The following CNTNAP5 variants were observed in gnomAD, a reference collection of about 807,000 sequenced individuals.
The protein encoded by CNTNAP5 is contactin-associated protein-like 5.
Under a neutral mutation model 150.2 loss-of-function variants are expected in CNTNAP5, and 72 were observed. The observed-to-expected ratio is 0.48, with a 90% CI of 0.40 to 0.58. The LOEUF (loss-of-function observed/expected upper bound fraction) is 0.58, where lower values mean the gene tolerates loss of function less well. Ranked by LOEUF, CNTNAP5 falls within the 20% of genes least tolerant of loss-of-function variation. CNTNAP5 has a pLI of 0.00. For synonymous variants in CNTNAP5, 672 were observed against 619.8 expected (o/e 1.08, Z -1.25); for missense variants, 1,636 against 1,626.2 (o/e 1.01, Z -0.10).
chr2:124,299,563 C>G (rs113739378), intron 3 of CNTNAP5, among the ~76,000 whole-genome samples: 1 of 151,972 alleles, frequency 6.6e-6, no homozygotes, highest in Non-Finnish European at 1.5e-5. Flanking sequence ...GTATATATAC[C>G]ACATTTTCTT....
chr2:124,524,595 C>A (rs1694923180), intron 9 of CNTNAP5, 143 bp downstream of exon 9: 2 of 741,324 alleles, frequency 2.7e-6, no homozygotes, highest in Non-Finnish European at 4.3e-6. Context: ...CATACACACA[C>A]ACCCTCAATC....
chr2:124,746,353 A>G (rs975213032), intron 13 of CNTNAP5, among the ~76,000 whole-genome samples: 2 of 152,154 alleles, frequency 1.3e-5, no homozygotes, highest in African/African-American at 2.4e-5. Flanking sequence ...TTTTGTAAAG[A>G]AAAAAATTGA....
chr2:124,907,711 T>A (rs1042928129), intron 22 of CNTNAP5, among the ~76,000 whole-genome samples: 1 of 151,110 alleles, frequency 6.6e-6, no homozygotes, highest in South Asian at 2.1e-4. Context: ...TTAAAGACAA[T>A]TTAGACACAC....
intron 1 of CNTNAP5, among the ~76,000 whole-genome samples, chr2:124,165,999 C>A (rs1191469933): frequency 1.3e-5 from 2 of 152,140 alleles, no homozygotes; most frequent in African/African-American, 4.8e-5. Flanking sequence ...AATGAGTATG[C>A]AGAGGATTGT....
At chr2:124,788,184 G>T (rs1057059353) in intron 17 of CNTNAP5, among the ~76,000 whole-genome samples, 2 of 152,140 alleles carry the variant, frequency 1.3e-5, no homozygotes, top group African/African-American at 4.8e-5. Flanking sequence ...CTTCTAATGG[G>T]ACTTAGCTTA....
intron 1 of CNTNAP5, among the ~76,000 whole-genome samples, chr2:124,188,716 CAAAAAAAA>C (rs70996047): frequency 1.4e-5 from 1 of 73,076 alleles, no homozygotes; most frequent in Admixed American, 1.9e-4. Context: ...GACTCTGTCT[CAAAAAAAA>C]AAAAAAAAAA....
chr2:124,751,645 C>T (rs919241674), intron 14 of CNTNAP5, among the ~76,000 whole-genome samples: 1 of 152,218 alleles, frequency 6.6e-6, no homozygotes, highest in African/African-American at 2.4e-5. Flanking sequence ...TAGACCACCA[C>T]ACCTCTTTTT....
At chr2:124,647,607 A>G in intron 12 of CNTNAP5, 151 bp from the exon 13 acceptor site, 1 of 633,806 alleles carries the variant, frequency 1.6e-6, no homozygotes, top group Non-Finnish European at 2.5e-6. Flanking sequence ...GTGGAGCTCC[A>G]TGGGGAAACA....
intron 3 of CNTNAP5, among the ~76,000 whole-genome samples, chr2:124,328,859 G>A (rs528217615): frequency 6.6e-6 from 1 of 152,018 alleles, no homozygotes; most frequent in African/African-American, 2.4e-5. Context: ...CCTCTTTACC[G>A]CCAGAAGGTT....
At chr2:124,047,074 C>G (rs1382043890) in intron 1 of CNTNAP5, among the ~76,000 whole-genome samples, 4 of 152,098 alleles carry the variant, frequency 2.6e-5, no homozygotes, top group Admixed American at 6.6e-5. Context: ...TACTAGATAA[C>G]AGCAAAAATA....
intron 8 of CNTNAP5, among the ~76,000 whole-genome samples, chr2:124,511,893 G>A (rs1694600170): frequency 2.0e-5 from 3 of 150,334 alleles, no homozygotes. Context: ...ACAACCTGTA[G>A]AGAATTAGGA....
intron 11 of CNTNAP5, among the ~76,000 whole-genome samples, chr2:124,589,365 C>A (rs1696627466): frequency 6.6e-6 from 1 of 152,158 alleles, no homozygotes; most frequent in African/African-American, 2.4e-5. Context: ...TGTCTCATTC[C>A]TTTTCACTGC....
At chr2:124,751,551 A>C (rs1386384942) in intron 14 of CNTNAP5, among the ~76,000 whole-genome samples, 2 of 152,240 alleles carry the variant, frequency 1.3e-5, no homozygotes, top group African/African-American at 4.8e-5. Flanking sequence ...AAGCTAACAC[A>C]CTTGTGAAAT....
rs1054663854 is a variant in CNTNAP5, at chr2:124,900,205, G to T, written c.3437-2677G>T. On this transcript the variant is annotated intron_variant, in intron 21 of 23. Coordinates refer to ENST00000682447, the MANE Select transcript of CNTNAP5 (RefSeq NM_001367498.1). ...TTCTTCGACAACAATTATTGCAGTT[G>T]TATGTAGCTACTCAGTGAGTGGTGA... 1.3e-4 allele frequency among the ~76,000 whole-genome samples: 20 copies of T among 151,534 alleles called. 2 individuals carry two copies. The highest frequency in any genetic ancestry group is 4.6e-4 in the African/African-American group (19 of 40,868).
intron 1 of CNTNAP5, among the ~76,000 whole-genome samples, chr2:124,215,712 CAAAAAAAAAAAAA>C (rs397985759): frequency 0.035 from 2,840 of 82,110 alleles, 141 homozygotes; most frequent in African/African-American, 0.12. Context: ...AGAAGAAAGG[CAAAAAAAAAAAAA>C]AAAAAAAAGA....
chr2:124,378,661 C>G (rs1213809296), intron 3 of CNTNAP5, among the ~76,000 whole-genome samples: 1 of 151,902 alleles, frequency 6.6e-6, no homozygotes, highest in African/African-American at 2.4e-5. Context: ...CAGACATGGT[C>G]GTAAACTTAT....
intron 1 of CNTNAP5, among the ~76,000 whole-genome samples, chr2:124,149,073 T>G (rs1169619529): frequency 6.6e-6 from 1 of 152,116 alleles, no homozygotes; most frequent in Non-Finnish European, 1.5e-5. Flanking sequence ...TCTTTTTCAG[T>G]TGTATTCCAG....
chr2:124,068,564 T>G (rs989308918), intron 1 of CNTNAP5, among the ~76,000 whole-genome samples: 8 of 152,012 alleles, frequency 5.3e-5, no homozygotes, highest in Non-Finnish European at 1.0e-4. Flanking sequence ...GTCCTGATGC[T>G]GTGCTGGTCT....
intron 20 of CNTNAP5, among the ~76,000 whole-genome samples, 153 bp from the exon 21 acceptor site, chr2:124,869,522 T>C (rs1677700631): frequency 6.6e-6 from 1 of 152,116 alleles, no homozygotes; most frequent in South Asian, 2.1e-4. Flanking sequence ...GTGGGCAAAT[T>C]AGCGAGACCT....
Sources: gnomAD v4.1 joint callset for allele counts (sites outside exome capture counted in the v4.1 genomes callset) on GRCh38, gnomAD v4.1.1 for gene constraint, MANE v1.5 for transcripts, NCBI Gene and HGNC (gene_info 2026-07-23, HGNC 2026-07-21) for gene names.